The following CLECL1 variants were observed in gnomAD, a reference collection of about 807,000 sequenced individuals.
CLECL1 encodes C-type lectin-like domain family 1.
At chr12:9,716,049 C>T (rs923647213) in exon 3 of CLECL1, 2 of 152,410 alleles carry the variant, frequency 1.3e-5, no homozygotes, top group South Asian at 4.1e-4. Context: ...ACTCATCCAT[C>T]ATGTGTTCTT....
chr12:9,722,845 A>C (rs758825631), intron 3 of CLECL1, 32 bp from the exon 2 acceptor site: 1 of 1,514,096 alleles, frequency 6.6e-7, no homozygotes, highest in East Asian at 2.3e-5. Flanking sequence ...AATTAAAATC[A>C]ATGTAAAACT....
the CLECL1 span, among the ~76,000 whole-genome samples, chr12:9,709,987 C>T: frequency 6.6e-6 from 1 of 152,144 alleles, no homozygotes; most frequent in African/African-American, 2.4e-5. Context: ...CCCCACAAAC[C>T]CTAGAATTCC....
chr12:9,712,210 C>T (rs1308800026), downstream of CLECL1, among the ~76,000 whole-genome samples: 1 of 152,206 alleles, frequency 6.6e-6, no homozygotes, highest in Non-Finnish European at 1.5e-5. Flanking sequence ...GGCTCTTGAC[C>T]AGTGTCCTTG....
At chr12:9,732,889 G>T in intron 1 of CLECL1, 60 bp downstream of exon 1, 3 of 1,367,758 alleles carry the variant, frequency 2.2e-6, no homozygotes, top group Non-Finnish European at 3.0e-6. Context: ...ACATAAGAAA[G>T]AAATAAAGGA....
chr12:9,730,283 G>T (rs1866431252), intron 1 of CLECL1, among the ~76,000 whole-genome samples: 1 of 152,132 alleles, frequency 6.6e-6, no homozygotes, highest in Non-Finnish European at 1.5e-5. Flanking sequence ...GTACTCAAAA[G>T]ATAATAAATA....
chr12:9,726,343 C>T (rs3922289), intron 3 of CLECL1, among the ~76,000 whole-genome samples: 32,799 of 151,804 alleles, frequency 0.22, 4,423 homozygotes, highest in African/African-American at 0.39. Flanking sequence ...ACTGTTATCA[C>T]TGAAATTAAA....
chr12:9,729,338 G>T (rs920260969), intron 2 of CLECL1, among the ~76,000 whole-genome samples: 3 of 152,090 alleles, frequency 2.0e-5, no homozygotes, highest in African/African-American at 7.2e-5. Context: ...TTCACTGCAT[G>T]ATCTTGATCA....
At chr12:9,704,530 T>C in the CLECL1 span, among the ~76,000 whole-genome samples, 1 of 152,152 alleles carries the variant, frequency 6.6e-6, no homozygotes, top group African/African-American at 2.4e-5. Flanking sequence ...ATGCCTAGTA[T>C]CCATTATTTT....
At chr12:9,718,089 T>C (rs770574016), downstream of CLECL1, among the ~76,000 whole-genome samples, 6 of 152,144 alleles carry the variant, frequency 3.9e-5, no homozygotes, top group Non-Finnish European at 8.8e-5. Flanking sequence ...AGTCTGTTGT[T>C]TAACTTCTAA....
downstream of CLECL1, among the ~76,000 whole-genome samples, chr12:9,718,929 C>A (rs1866271784): frequency 2.0e-5 from 3 of 152,296 alleles, no homozygotes; most frequent in South Asian, 6.2e-4. Context: ...ATTAATACAA[C>A]TCCTTTATTA....
chr12:9,725,549 A>G (rs1033260867), intron 3 of CLECL1, among the ~76,000 whole-genome samples: 1 of 31,946 alleles, frequency 3.1e-5, no homozygotes, highest in Non-Finnish European at 5.9e-5. Flanking sequence ...CATAGAATAT[A>G]AAAAAATAGA....
downstream of CLECL1, among the ~76,000 whole-genome samples, chr12:9,720,889 G>T (rs1866301717): frequency 6.6e-6 from 1 of 152,148 alleles, no homozygotes; most frequent in Non-Finnish European, 1.5e-5. Context: ...TCTGGTGTTG[G>T]ATTTGTCTAT....
chr12:9,716,918 C>G (rs2268145), intron 2 of CLECL1: 66,938 of 366,182 alleles, frequency 0.18, 8,903 homozygotes, highest in African/African-American at 0.48. Flanking sequence ...TAAACCACAC[C>G]CCCACGTCCT....
chr12:9,720,536 T>C (rs1866297297), downstream of CLECL1, among the ~76,000 whole-genome samples: 1 of 152,158 alleles, frequency 6.6e-6, no homozygotes, highest in South Asian at 2.1e-4. Context: ...GAGACGGGGT[T>C]TCTCCATGTT....
chr12:9,710,106 T>C, the CLECL1 span, among the ~76,000 whole-genome samples: 4 of 152,224 alleles, frequency 2.6e-5, no homozygotes, highest in African/African-American at 9.6e-5. Flanking sequence ...GTGAAACAAC[T>C]TGGGGTACAA....
chr12:9,711,754 TA>T (rs1313479647), downstream of CLECL1, among the ~76,000 whole-genome samples: 1 of 152,170 alleles, frequency 6.6e-6, no homozygotes, highest in African/African-American at 2.4e-5. Context: ...TATCTGTGCT[TA>T]CTTCCTAGGC....
chr12:9,728,799 G>C (rs1866411587), intron 2 of CLECL1, among the ~76,000 whole-genome samples: 1 of 151,874 alleles, frequency 6.6e-6, no homozygotes, highest in Non-Finnish European at 1.5e-5. Flanking sequence ...CTGGGCTTCA[G>C]ACTGCTCATC....
At chr12:9,705,583 GAT>G in the CLECL1 span, among the ~76,000 whole-genome samples, 2 of 152,146 alleles carry the variant, frequency 1.3e-5, no homozygotes, top group African/African-American at 4.8e-5. Flanking sequence ...TTTTGTATAT[GAT>G]ATAAGGAAGG....
At chr12:9,729,178 C>T (rs1866415976) in intron 2 of CLECL1, among the ~76,000 whole-genome samples, 1 of 152,112 alleles carries the variant, frequency 6.6e-6, no homozygotes, top group Non-Finnish European at 1.5e-5. Context: ...AGACAAATTT[C>T]TCACCTGTTG....
Sources: allele counts gnomAD v4.1 joint callset (sites outside exome capture counted in the v4.1 genomes callset), GRCh38; gene constraint gnomAD v4.1.1; transcripts MANE v1.5; gene names NCBI Gene and HGNC (gene_info 2026-07-23, HGNC 2026-07-21).